BLOC1S3: variants seen among roughly 807,000 people sequenced by gnomAD.
BLOC1S3 encodes biogenesis of lysosomal organelles complex 1 subunit 3.
A neutral mutation model predicts 9.1 loss-of-function variants in BLOC1S3; 7 were observed. The observed-to-expected ratio is 0.77, with a 90% CI of 0.44 to 1.45. BLOC1S3 has a LOEUF of 1.45. BLOC1S3 is among the 40% of genes most tolerant of loss of function. The probability of loss-of-function intolerance (pLI) is 0.01; values close to 1 mark genes in which losing one functional copy is unlikely to be tolerated. For missense variants in BLOC1S3, 307 were observed against 315.2 expected (o/e 0.97, Z 0.20); for synonymous variants, 145 against 158.4 (o/e 0.92, Z 0.64).
intron 2 of BLOC1S3, among the ~76,000 whole-genome samples, chr19:45,199,289 T>A (rs1197213160): frequency 2.0e-5 from 3 of 151,328 alleles, no homozygotes; most frequent in Non-Finnish European, 4.4e-5. Flanking sequence ...ATTTTCTAGA[T>A]CTTGTAGGTG....
At chr19:45,208,288 C>A (rs1194243938) in intron 3 of BLOC1S3, among the ~76,000 whole-genome samples, 1 of 151,538 alleles carries the variant, frequency 6.6e-6, no homozygotes, top group Non-Finnish European at 1.5e-5. Context: ...TTTGTAACTT[C>A]TTATGAATCT....
At chr19:45,210,001 G>C (rs1369200554) in intron 3 of BLOC1S3, among the ~76,000 whole-genome samples, 1 of 152,140 alleles carries the variant, frequency 6.6e-6, no homozygotes, top group Non-Finnish European at 1.5e-5. Flanking sequence ...CCAAAGTGCT[G>C]GGATTACAGG....
chr19:45,202,034 T>C lies in BLOC1S3; in HGVS notation n.181-372T>C, dbSNP rs984310718. ...GTCAGGAGATCGAGACCATCCTGGC[T>C]AACATGGTGAAACCCCGTCTCTACT... On this transcript the variant is annotated intron_variant and non_coding_transcript_variant, in intron 2 of 3. Coordinates refer to the BLOC1S3 transcript ENST00000591569. Among the ~76,000 whole-genome samples the C allele has an allele frequency of 1.1e-4, 16 of 151,776 alleles. No homozygotes were observed. In the East Asian group the frequency reaches 1.9e-3, roughly 18 times the overall value.
At chr19:45,208,759 GAAAA>G (rs200533129) in intron 3 of BLOC1S3, among the ~76,000 whole-genome samples, 2 of 95,908 alleles carry the variant, frequency 2.1e-5, no homozygotes, top group Non-Finnish European at 4.7e-5. Flanking sequence ...ATCTCAGAAA[GAAAA>G]AAAAAAAAGC....
rs886054491 is a variant in BLOC1S3, at chr19:45,179,974, G to C, written c.*69G>C. 2 of 1,539,698 alleles carry C rather than the reference G, an allele frequency of 1.3e-6. No homozygotes were observed. The highest frequency in any genetic ancestry group is 1.8e-6 in the Non-Finnish European group (2 of 1,135,918). On this transcript the variant is annotated 3_prime_UTR_variant, in exon 2 of 2. Coordinates refer to ENST00000433642, the MANE Select transcript of BLOC1S3 (RefSeq NM_212550.5). This position sits in a 1 kb window ranked among gnomAD's most constrained non-coding sequence, Gnocchi z 4.6. ...CTTGCTGCCTCTGGGACCTGACTCT[G>C]TCTCCTGTGTCTCTTATCACCCCCC... is the stretch of plus-strand genomic sequence containing the variant.
chr19:45,186,894 AC>A (rs1357738091), upstream of BLOC1S3, among the ~76,000 whole-genome samples: 3 of 152,210 alleles, frequency 2.0e-5, no homozygotes, highest in African/African-American at 7.2e-5. Flanking sequence ...AAGCTGCCAG[AC>A]AGAGCCTTTG....
In BLOC1S3 at chr19:45,179,949, C is replaced by A; in HGVS notation, c.*44C>A. 1.3e-6 allele frequency: 2 copies of A among 1,587,042 alleles called. No homozygotes were observed. The highest frequency in any genetic ancestry group is 1.1e-5 in the South Asian group (1 of 88,898). ...ACCTGACTGCAATTTGGGGGTAGGCCTTGCTGCCTCTGGGACCTGACTCTG... is the reference window on the plus strand; with the variant it reads ...ACCTGACTGCAATTTGGGGGTAGGCATTGCTGCCTCTGGGACCTGACTCTG... On this transcript the variant is annotated 3_prime_UTR_variant, in exon 2 of 2. Coordinates refer to ENST00000433642, the MANE Select transcript of BLOC1S3 (RefSeq NM_212550.5). The surrounding 1 kb of genome is among the most constrained non-coding windows in gnomAD (Gnocchi z 4.6).
At chr19:45,200,182 A>ATTTTT (rs4012970) in intron 2 of BLOC1S3, among the ~76,000 whole-genome samples, 7 of 135,192 alleles carry the variant, frequency 5.2e-5, no homozygotes, top group Non-Finnish European at 1.1e-4. Flanking sequence ...TTTCTACTTA[A>ATTTTT]TTTTTTTTTT....
intron 2 of BLOC1S3, among the ~76,000 whole-genome samples, chr19:45,189,411 G>A (rs1000485626): frequency 6.6e-6 from 1 of 150,674 alleles, no homozygotes; most frequent in Non-Finnish European, 1.5e-5. Context: ...ATTATTAAAG[G>A]ACTTGAGGTA....
At chr19:45,215,145 A>G (rs1459457398) in intron 3 of BLOC1S3, among the ~76,000 whole-genome samples, 1 of 152,034 alleles carries the variant, frequency 6.6e-6, no homozygotes, top group Non-Finnish European at 1.5e-5. Context: ...TGTCTCAAAA[A>G]ACAAAACAAA....
At chr19:45,202,028 C>G (rs994855598) in intron 2 of BLOC1S3, among the ~76,000 whole-genome samples, 2 of 151,710 alleles carry the variant, frequency 1.3e-5, no homozygotes, top group Non-Finnish European at 2.9e-5. Context: ...TCGAGACCAT[C>G]CTGGCTAACA....
intron 3 of BLOC1S3, among the ~76,000 whole-genome samples, chr19:45,205,369 G>GT: frequency 6.6e-6 from 1 of 152,212 alleles, no homozygotes; most frequent in Admixed American, 6.5e-5. Context: ...GTTTCACTAT[G>GT]TTGGCCAGGC....
At chr19:45,186,895 C>T (rs1969569811), upstream of BLOC1S3, among the ~76,000 whole-genome samples, 1 of 152,226 alleles carries the variant, frequency 6.6e-6, no homozygotes, top group Admixed American at 6.5e-5. Flanking sequence ...AGCTGCCAGA[C>T]AGAGCCTTTG....
At chr19:45,204,980 C>T (rs963885057) in intron 3 of BLOC1S3, among the ~76,000 whole-genome samples, 1 of 152,046 alleles carries the variant, frequency 6.6e-6, no homozygotes, top group African/African-American at 2.4e-5. Flanking sequence ...GTAATCCCCC[C>T]ACCTTGGCCT....
At chr19:45,184,404 G>A (rs566671446), downstream of BLOC1S3, among the ~76,000 whole-genome samples, 7 of 152,138 alleles carry the variant, frequency 4.6e-5, no homozygotes, top group Non-Finnish European at 1.0e-4. Context: ...CCAGGAGTTT[G>A]AGACCAGCCT....
At chr19:45,196,774 G>T (rs888272710) in intron 2 of BLOC1S3, among the ~76,000 whole-genome samples, 3 of 151,978 alleles carry the variant, frequency 2.0e-5, no homozygotes, top group Non-Finnish European at 4.4e-5. Flanking sequence ...GGTGGCGGGT[G>T]CCTGTAGTCC....
At chr19:45,194,195 C>T (rs578205331) in intron 2 of BLOC1S3, among the ~76,000 whole-genome samples, 53 of 143,898 alleles carry the variant, frequency 3.7e-4, no homozygotes, top group Middle Eastern at 3.5e-3. Flanking sequence ...TCACTGCAAC[C>T]TCTGCCTCCC....
intron 2 of BLOC1S3, among the ~76,000 whole-genome samples, chr19:45,194,489 G>A (rs1969632822): frequency 6.6e-6 from 1 of 152,044 alleles, no homozygotes; most frequent in Non-Finnish European, 1.5e-5. Context: ...TTTCCCTCTT[G>A]TTTATTATGA....
At chr19:45,210,968 T>C (rs1053829492) in intron 3 of BLOC1S3, among the ~76,000 whole-genome samples, 11 of 152,008 alleles carry the variant, frequency 7.2e-5, no homozygotes, top group Non-Finnish European at 1.2e-4. Context: ...AAATATTAGC[T>C]GGGTGTGCTG....
Sources: gnomAD v4.1 joint callset for allele counts (sites outside exome capture counted in the v4.1 genomes callset) on GRCh38, gnomAD v4.1.1 for gene constraint, Gnocchi (gnomAD v3.1) non-coding constraint, MANE v1.5 for transcripts, NCBI Gene and HGNC (gene_info 2026-07-23, HGNC 2026-07-21) for gene names.